C1orf94: variants seen among roughly 807,000 people sequenced by gnomAD.
C1orf94 encodes the protein uncharacterized protein C1orf94.
C1orf94 carries 45 observed loss-of-function variants against 53.6 expected under a neutral mutation model. That is an observed-to-expected ratio of 0.84 (90% CI 0.66 to 1.08). The LOEUF (loss-of-function observed/expected upper bound fraction) is 1.08. C1orf94 is among the 50% of genes least tolerant of loss of function. The pLI, the probability that C1orf94 is intolerant of heterozygous loss-of-function variation, is 0.00. For missense variants in C1orf94, 762 were observed against 738.9 expected (o/e 1.03, Z -0.36); for synonymous variants, 304 against 296.1 (o/e 1.03, Z -0.27).
chr1:34,217,288 G>A (rs1643005324), intron 6 of C1orf94, among the ~76,000 whole-genome samples: 1 of 152,114 alleles, frequency 6.6e-6, no homozygotes, highest in African/African-American at 2.4e-5. Context: ...GGTGGCCGTT[G>A]ATCTGATCAG....
chr1:34,217,517 T>C (rs889272589), intron 6 of C1orf94, among the ~76,000 whole-genome samples: 1 of 152,206 alleles, frequency 6.6e-6, no homozygotes, highest in African/African-American at 2.4e-5. Flanking sequence ...GAGGTGGGGT[T>C]ACCGCTGGCA....
chr1:34,202,382 G>T, intron 4 of C1orf94, 123 bp downstream of exon 4: 2 of 1,090,524 alleles, frequency 1.8e-6, no homozygotes, highest in South Asian at 1.7e-5. Context: ...TTCCCTACAT[G>T]CAAGAGGCTT....
intron 2 of C1orf94, among the ~76,000 whole-genome samples, chr1:34,198,305 G>A (rs1200925498): frequency 6.6e-6 from 1 of 152,218 alleles, no homozygotes; most frequent in Non-Finnish European, 1.5e-5. Context: ...AGAGAAATTT[G>A]ATTGGTAGCT....
intron 1 of C1orf94, among the ~76,000 whole-genome samples, chr1:34,167,725 G>A (rs1421974261): frequency 6.6e-6 from 1 of 151,944 alleles, no homozygotes; most frequent in African/African-American, 2.4e-5. Context: ...ACACGTAACT[G>A]ATACCGTCAG....
At chr1:34,169,696 G>A (rs1642114479) in intron 1 of C1orf94, among the ~76,000 whole-genome samples, 1 of 152,062 alleles carries the variant, frequency 6.6e-6, no homozygotes, top group African/African-American at 2.4e-5. Flanking sequence ...GGCAGGCAGG[G>A]CTGCAGAGAA....
intron 1 of C1orf94, among the ~76,000 whole-genome samples, chr1:34,185,140 A>G (rs1642366594): frequency 6.6e-6 from 1 of 151,990 alleles, no homozygotes; most frequent in Admixed American, 6.6e-5. Context: ...CCCAACCCTT[A>G]AGCAAGTGTC....
At chr1:34,205,958 T>C (rs555114008) in intron 4 of C1orf94, among the ~76,000 whole-genome samples, 2 of 152,268 alleles carry the variant, frequency 1.3e-5, no homozygotes, top group South Asian at 2.1e-4. Context: ...GAATGTTTAT[T>C]TACCCTTGCC....
chr1:34,203,326 C>T (rs1642743643), intron 4 of C1orf94, among the ~76,000 whole-genome samples: 1 of 152,146 alleles, frequency 6.6e-6, no homozygotes. Flanking sequence ...TGGGTTTCAC[C>T]ATGTTGGCCA....
rs757912000 is a variant in C1orf94, at chr1:34,197,454, C to A, written c.550C>A (p.Leu184Ile). The change falls in exon 2 of 7, where the codon CTT becomes ATT. Residue 184 changes from leucine to isoleucine, a missense_variant. By Grantham distance (5) the Leu-to-Ile change is conservative. Transcript: ENST00000488417. The surrounding 1 kb of genome is among the most constrained non-coding windows in gnomAD (Gnocchi z 4.1). ...PRASIIVGDKLLKQKVAMPVI... is the reference protein window; with the variant it reads ...PRASIIVGDKILKQKVAMPVI... ...AGCCTCCATCATTGTCGGAGACAAG[C>A]TTCTGAAGCAGAAGGTGGCCATGCC... The A allele has an allele frequency of 2.5e-6, 4 of 1,613,946 alleles. No homozygotes were observed. Among genetic ancestry groups the A allele is most frequent in the Non-Finnish European group, 3.4e-6 (4 of 1,179,964 alleles).
chr1:34,211,598 T>A (rs1056129271), intron 5 of C1orf94, among the ~76,000 whole-genome samples: 1 of 152,200 alleles, frequency 6.6e-6, no homozygotes, highest in African/African-American at 2.4e-5. Context: ...AAATTAAGTA[T>A]AATTCAAAAC....
intron 1 of C1orf94, among the ~76,000 whole-genome samples, chr1:34,178,367 C>T (rs569102248): frequency 4.6e-5 from 7 of 152,148 alleles, no homozygotes; most frequent in African/African-American, 7.2e-5. Flanking sequence ...TCATCCTAAA[C>T]GCATGTGAAT....
Position 34,212,370 on chromosome 1 carries a change from G to A in C1orf94, c.1685G>A (p.Gly562Glu). 1 of 1,613,084 alleles carries A rather than the reference G, an allele frequency of 6.2e-7. No individual in the cohort carries two copies. The highest frequency in any genetic ancestry group is 8.5e-7 in the Non-Finnish European group (1 of 1,179,542). ...ANPRDPPLMA[G>E]DGPQYLFPQG... ...CCCCGAGACCCTCCCCTAATGGCAGGAGATGGACCGCAGTACCTCTTTCCC... is the reference window on the plus strand; with the variant it reads ...CCCCGAGACCCTCCCCTAATGGCAGAAGATGGACCGCAGTACCTCTTTCCC... The change falls in exon 6 of 7, where the codon GGA (glycine) becomes GAA (glutamate). Residue 562 changes from glycine to glutamate, a missense_variant. Gly to Glu is a moderately conservative substitution (Grantham distance 98). Coordinates refer to ENST00000488417, the MANE Select transcript of C1orf94 (RefSeq NM_001134734.2).
rs199863077 is a variant in C1orf94, at chr1:34,212,203, T to C, written c.1525-7T>C. Reference sequence around the variant, plus strand: ...GACCTCACCCCTCTCTTCTCTGTGATGTGCAGGTGATGCCATACAACCCAC... The same window carrying C: ...GACCTCACCCCTCTCTTCTCTGTGACGTGCAGGTGATGCCATACAACCCAC... On this transcript the variant is annotated splice_region_variant and splice_polypyrimidine_tract_variant and intron_variant, in intron 5 of 6. Coordinates refer to ENST00000488417, the MANE Select transcript of C1orf94 (RefSeq NM_001134734.2). 5.6e-6 allele frequency: 9 copies of C among 1,603,658 alleles called. No homozygotes were observed. The highest frequency in any genetic ancestry group is 2.2e-5 in the South Asian group (2 of 89,338).
chr1:34,192,791 C>T (rs1198023758), intron 1 of C1orf94, among the ~76,000 whole-genome samples: 1 of 152,090 alleles, frequency 6.6e-6, no homozygotes, highest in African/African-American at 2.4e-5. Flanking sequence ...TCAAGGGACA[C>T]TGGGGGGTTG....
At chr1:34,217,048 C>G (rs988130121) in intron 6 of C1orf94, among the ~76,000 whole-genome samples, 1 of 152,192 alleles carries the variant, frequency 6.6e-6, no homozygotes, top group African/African-American at 2.4e-5. Context: ...CCACTGCACT[C>G]CAGCCTGGGT....
At chr1:34,193,376 T>C (rs1642529733) in intron 1 of C1orf94, among the ~76,000 whole-genome samples, 1 of 152,144 alleles carries the variant, frequency 6.6e-6, no homozygotes, top group Non-Finnish European at 1.5e-5. Flanking sequence ...GCAGCTGACA[T>C]GGAGCTGTCA....
At chr1:34,173,508 A>G (rs1642178022), upstream of C1orf94, among the ~76,000 whole-genome samples, 1 of 152,152 alleles carries the variant, frequency 6.6e-6, no homozygotes, top group Non-Finnish European at 1.5e-5. Flanking sequence ...ACTGGATGGG[A>G]GGTAAGGAGA....
intron 4 of C1orf94, among the ~76,000 whole-genome samples, chr1:34,206,796 G>A (rs149443660): frequency 1.3e-5 from 2 of 152,296 alleles, no homozygotes; most frequent in African/African-American, 4.8e-5. Context: ...GGAGAGAGAG[G>A]CTGCCCTGGG....
In C1orf94 at chr1:34,203,154, T is replaced by C. The variant is rs555591665; in HGVS notation, c.1446+895T>C. On this transcript the variant is annotated intron_variant, in intron 4 of 6. Transcript: ENST00000488417. Reference sequence around the variant, plus strand: ...ATCCTCATATGCCATTTTATTTTATTTGAGACAGAGTCTCACTCTATCGCC... The same window carrying C: ...ATCCTCATATGCCATTTTATTTTATCTGAGACAGAGTCTCACTCTATCGCC... Among the ~76,000 whole-genome samples the C allele has an allele frequency of 2.6e-4, 39 of 152,310 alleles. No individual in the cohort carries two copies. In the Middle Eastern group the frequency reaches 0.01, roughly 40 times the overall value.
Sources: gnomAD v4.1 joint callset for allele counts (sites outside exome capture counted in the v4.1 genomes callset) on GRCh38, gnomAD v4.1.1 for gene constraint, Gnocchi (gnomAD v3.1) non-coding constraint, MANE v1.5 for transcripts, NCBI Gene and HGNC (gene_info 2026-07-23, HGNC 2026-07-21) for gene names.